Variants in RANBP3 observed in about 807,000 individuals in gnomAD.
The protein encoded by RANBP3 is RAN binding protein 3.
In RANBP3, 14 loss-of-function variants were observed where a neutral mutation model predicts 77.3. The observed-to-expected ratio is 0.18, with a 90% CI of 0.12 to 0.28. The LOEUF (loss-of-function observed/expected upper bound fraction) is 0.28, where lower values mean the gene tolerates loss of function less well. Among genes scored for constraint, RANBP3 ranks in the 10% least tolerant of loss-of-function variants. The pLI is 1.00. For synonymous variants in RANBP3, 315 were observed against 312.4 expected, an observed-to-expected ratio of 1.01 and a Z score of -0.09; for missense variants, 586 against 752.3, an observed-to-expected ratio of 0.78 and a Z score of 2.59.
Position 5,958,082 on chromosome 19 carries a change from C to T in RANBP3, c.23-109G>A. On this transcript the variant is annotated intron_variant, in intron 1 of 16. Coordinates refer to ENST00000340578, the MANE Select transcript of RANBP3 (RefSeq NM_007322.3). This position sits in a 1 kb window ranked among gnomAD's most constrained non-coding sequence, Gnocchi z 4.4. ...ACATATATATAAATGAAACTAGTAA[C>T]TCCAGAGAACATCAAATCACTTAGA... is the stretch of plus-strand genomic sequence containing the variant. 1 of 954,272 alleles carries T rather than the reference C, an allele frequency of 1.0e-6. No homozygotes were observed. Among genetic ancestry groups the T allele is most frequent in the Non-Finnish European group, 1.6e-6 (1 of 618,988 alleles). The allele number at this position is 954,272 out of a possible 1,614,324, so 59.1% of individuals were successfully genotyped here.
chr19:5,946,262 CG>C (rs1342706231), intron 3 of RANBP3, among the ~76,000 whole-genome samples: 5 of 152,178 alleles, frequency 3.3e-5, no homozygotes, highest in African/African-American at 1.2e-4. Context: ...ACGCGACACC[CG>C]GGACACCTGC....
chr19:5,962,424 C>A (rs900228988), intron 1 of RANBP3, among the ~76,000 whole-genome samples: 5 of 152,030 alleles, frequency 3.3e-5, no homozygotes, highest in Non-Finnish European at 7.4e-5. Context: ...GGGGCCTCGT[C>A]TGTTCCGTTT....
At chr19:5,971,329 TTC>T (rs955586400) in intron 1 of RANBP3, among the ~76,000 whole-genome samples, 15 of 152,182 alleles carry the variant, frequency 9.9e-5, no homozygotes, top group African/African-American at 2.4e-4. Context: ...GATAGCTGAA[TTC>T]TCTCTCTTTT....
rs898174368 is a variant in RANBP3, at chr19:5,933,029, C to T, written c.472+385G>A. ...CATCCCCGGCAGCCTCACTAGCAGCCGGCTCACTAGCAGCGCGCCGCTGGA... is the reference window on the plus strand; with the variant it reads ...CATCCCCGGCAGCCTCACTAGCAGCTGGCTCACTAGCAGCGCGCCGCTGGA... On this transcript the variant is annotated intron_variant, in intron 6 of 16. Transcript: ENST00000340578. The T allele has an allele frequency of 3.9e-5, 10 of 258,954 alleles. 1 individual carries two copies. The highest frequency in any genetic ancestry group is 5.2e-5 in the Non-Finnish European group (7 of 134,484). 16.0% of individuals were successfully genotyped at this position (258,954 alleles called of 1,614,324 possible).
intron 3 of RANBP3, among the ~76,000 whole-genome samples, chr19:5,943,179 A>T (rs953146030): frequency 6.6e-6 from 1 of 152,230 alleles, no homozygotes; most frequent in Non-Finnish European, 1.5e-5. Flanking sequence ...CAAGCAGAAA[A>T]GCCAATTTTC....
chr19:5,923,571 T>C (rs923736695), intron 12 of RANBP3, among the ~76,000 whole-genome samples: 13 of 152,092 alleles, frequency 8.5e-5, no homozygotes, highest in African/African-American at 3.1e-4. Flanking sequence ...GAGGGACTCC[T>C]CCACGCCTGC....
chr19:5,962,739 G>A (rs900344641), intron 1 of RANBP3: 13 of 455,844 alleles, frequency 2.9e-5, no homozygotes, highest in African/African-American at 2.0e-4. Context: ...AGTTACTCAC[G>A]CTGCATTTCT....
intron 5 of RANBP3, among the ~76,000 whole-genome samples, chr19:5,936,064 G>C (rs1051847530): frequency 6.6e-6 from 1 of 152,252 alleles, no homozygotes; most frequent in Non-Finnish European, 1.5e-5. Context: ...AGAGCCCCAA[G>C]TGATGTCTGT....
chr19:5,965,340 G>A lies in RANBP3; in HGVS notation c.23-7367C>T, dbSNP rs565858017. On this transcript the variant is annotated intron_variant, in intron 1 of 16. Coordinates refer to ENST00000340578, the MANE Select transcript of RANBP3 (RefSeq NM_007322.3). ...TCAAAGAGTAAGGAGGGTGAAAGGA[G>A]GAGGGCGGTTTCAACAGCCCACATG... Among the ~76,000 whole-genome samples the A allele has an allele frequency of 2.6e-5, 4 of 152,284 alleles. No individual in the cohort carries two copies. The South Asian group carries it at 8.3e-4, about 32-fold the overall frequency.
chr19:5,957,908 G>T lies in RANBP3; in HGVS notation c.78+10C>A. The T allele has an allele frequency of 6.2e-7, 1 of 1,613,846 alleles. No homozygotes were observed. The highest frequency in any genetic ancestry group is 8.5e-7 in the Non-Finnish European group (1 of 1,179,810). On this transcript the variant is annotated intron_variant, in intron 2 of 16. Transcript: ENST00000340578. ...TAACGAAGTGAAGAGAGAACGTACC[G>T]GCCCCTTACCTTTTGTCCTTTATCC...
At chr19:5,962,374 T>C (rs2058414452) in intron 1 of RANBP3, among the ~76,000 whole-genome samples, 1 of 152,158 alleles carries the variant, frequency 6.6e-6, no homozygotes, top group Non-Finnish European at 1.5e-5. Context: ...GAGGGGTGTG[T>C]GGTGACAGCA....
chr19:5,933,049 G>A (rs535370055), intron 6 of RANBP3: 3 of 275,888 alleles, frequency 1.1e-5, no homozygotes, highest in South Asian at 6.1e-5. Context: ...GCAGCGCGCC[G>A]CTGGAATGCA....
At chr19:5,931,642 A>C in intron 7 of RANBP3, 111 bp from the exon 8 acceptor site, 1 of 1,194,452 alleles carries the variant, frequency 8.4e-7, no homozygotes, top group Non-Finnish European at 1.1e-6. Flanking sequence ...TCCCATGGTA[A>C]AGCCCACAGC....
intron 1 of RANBP3, among the ~76,000 whole-genome samples, chr19:5,971,930 T>C (rs958072732): frequency 6.6e-6 from 1 of 152,226 alleles, no homozygotes; most frequent in African/African-American, 2.4e-5. Context: ...CAGGCGCAGC[T>C]GTTCCTTAGC....
chr19:5,938,047 G>A (rs1238946096), intron 5 of RANBP3, among the ~76,000 whole-genome samples: 2 of 152,146 alleles, frequency 1.3e-5, no homozygotes, highest in African/African-American at 2.4e-5. Flanking sequence ...TCTGCAGGAT[G>A]AGACCAGGTG....
intron 8 of RANBP3, among the ~76,000 whole-genome samples, chr19:5,930,802 C>A (rs1237411066): frequency 6.6e-6 from 1 of 152,206 alleles, no homozygotes; most frequent in Admixed American, 6.5e-5. Flanking sequence ...CTCCTGGCCT[C>A]AAGCAATCCA....
At chr19:5,956,658 TCCTCC>T (rs1470129036) in intron 2 of RANBP3, among the ~76,000 whole-genome samples, 1 of 152,008 alleles carries the variant, frequency 6.6e-6, no homozygotes, top group African/African-American at 2.4e-5. Flanking sequence ...CATTTTCCCC[TCCTCC>T]CCAACCCCTA....
Position 5,924,385 on chromosome 19 carries a change from C to T in RANBP3, c.996+442G>A, listed in dbSNP as rs976752374. On this transcript the variant is annotated intron_variant, in intron 11 of 16. Coordinates refer to ENST00000340578, the MANE Select transcript of RANBP3 (RefSeq NM_007322.3). The surrounding 1 kb of genome is among the most constrained non-coding windows in gnomAD (Gnocchi z 4.7). ...ACCCTCTCCCAGGCTGGCTGGGCTCCTGGGAACGGAGATGGGCCTTTCGTG... is the reference window on the plus strand; with the variant it reads ...ACCCTCTCCCAGGCTGGCTGGGCTCTTGGGAACGGAGATGGGCCTTTCGTG... Among the ~76,000 whole-genome samples the T allele has an allele frequency of 6.6e-6, 1 of 152,274 alleles. No homozygotes were observed. The highest frequency in any genetic ancestry group is 2.4e-5 in the African/African-American group (1 of 41,472).
At chr19:5,940,537 T>C (rs1366546291) in intron 5 of RANBP3, among the ~76,000 whole-genome samples, 1 of 152,080 alleles carries the variant, frequency 6.6e-6, no homozygotes, top group Non-Finnish European at 1.5e-5. Context: ...ACCAACGTGA[T>C]GGGAAAAGGG....
Sources: gnomAD v4.1 joint callset for allele counts (sites outside exome capture counted in the v4.1 genomes callset) on GRCh38, gnomAD v4.1.1 for gene constraint, Gnocchi (gnomAD v3.1) non-coding constraint, MANE v1.5 for transcripts, NCBI Gene and HGNC (gene_info 2026-07-23, HGNC 2026-07-21) for gene names.